The following ATE1 variants were observed in gnomAD, a reference collection of about 807,000 sequenced individuals.
The protein encoded by ATE1 is arginyl-tRNA--protein transferase 1.
In ATE1, 36 loss-of-function variants were observed where a neutral mutation model predicts 70.5. That is an observed-to-expected ratio of 0.51 (90% CI 0.39 to 0.67). The LOEUF is 0.67. Among genes scored for constraint, ATE1 ranks in the 30% least tolerant of loss-of-function variants. The probability of loss-of-function intolerance (pLI) is 0.00; values close to 1 mark genes in which losing one functional copy is unlikely to be tolerated. For missense variants in ATE1, 593 were observed against 629.5 expected (o/e 0.94, Z 0.62); for synonymous variants, 232 against 219.3 (o/e 1.06, Z -0.51).
At chr10:121,805,480 T>G (rs1947058048) in intron 10 of ATE1, among the ~76,000 whole-genome samples, 1 of 152,170 alleles carries the variant, frequency 6.6e-6, no homozygotes, top group Non-Finnish European at 1.5e-5. Context: ...ATCCCTATTT[T>G]ACAGATAAAG....
intron 8 of ATE1, among the ~76,000 whole-genome samples, chr10:121,846,316 G>A (rs1948820475): frequency 6.6e-6 from 1 of 152,092 alleles, no homozygotes; most frequent in Non-Finnish European, 1.5e-5. Context: ...ATATATGATT[G>A]AATAAATTAA....
At chr10:121,899,553 C>T (rs896625816) in intron 7 of ATE1, among the ~76,000 whole-genome samples, 1 of 152,120 alleles carries the variant, frequency 6.6e-6, no homozygotes, top group Admixed American at 6.6e-5. Context: ...ATATAGTTTC[C>T]TGAGTTTTCC....
At chr10:121,928,209 G>A, upstream of ATE1, 17 of 1,332,252 alleles carry the variant, frequency 1.3e-5, no homozygotes, top group Non-Finnish European at 1.6e-5. Flanking sequence ...CGGAGAGACA[G>A]AGCGGGAAGG....
At chr10:121,885,297 C>A (rs1443679419) in intron 7 of ATE1, among the ~76,000 whole-genome samples, 9 of 143,312 alleles carry the variant, frequency 6.3e-5, no homozygotes, top group Admixed American at 2.1e-4. Context: ...AGGCCGGGCG[C>A]GGTGGCTCAC....
At chr10:121,799,277 G>T (rs1318078972) in intron 10 of ATE1, among the ~76,000 whole-genome samples, 1 of 152,144 alleles carries the variant, frequency 6.6e-6, no homozygotes, top group Non-Finnish European at 1.5e-5. Context: ...AGGAGCTGGA[G>T]CAGCCAGCAA....
chr10:121,917,953 C>T (rs926645521), intron 3 of ATE1, among the ~76,000 whole-genome samples: 1 of 152,192 alleles, frequency 6.6e-6, no homozygotes, highest in African/African-American at 2.4e-5. Context: ...CTATAAGCCC[C>T]TTTCCTTTAT....
At chr10:121,919,258 G>A (rs971206851) in intron 3 of ATE1, among the ~76,000 whole-genome samples, 3 of 152,096 alleles carry the variant, frequency 2.0e-5, no homozygotes, top group South Asian at 2.1e-4. Flanking sequence ...CTTCATTCTT[G>A]AAGTGAGCGA....
intron 7 of ATE1, among the ~76,000 whole-genome samples, chr10:121,871,636 A>C (rs967014418): frequency 2.0e-5 from 3 of 152,218 alleles, no homozygotes; most frequent in African/African-American, 7.2e-5. Context: ...TATTCTTAGA[A>C]TATCACTAAC....
Position 121,818,071 on chromosome 10 carries a change from C to G in ATE1, c.1257+18647G>C, listed in dbSNP as rs1183339284. On this transcript the variant is annotated intron_variant, in intron 10 of 11. Coordinates refer to ENST00000224652, the MANE Select transcript of ATE1 (RefSeq NM_001001976.3). Reference sequence around the variant, plus strand: ...CTGAGCTCAGGAATTCAAGACCAGCCTGGGCAACAAAGTGAGACCCCGTCT... The same window carrying G: ...CTGAGCTCAGGAATTCAAGACCAGCGTGGGCAACAAAGTGAGACCCCGTCT... Among the ~76,000 whole-genome samples the G allele has an allele frequency of 2.0e-5, 3 of 151,858 alleles. No individual in the cohort carries two copies. In the South Asian group the frequency reaches 6.2e-4, roughly 32 times the overall value.
At chr10:121,850,527 T>C (rs1949014106) in intron 8 of ATE1, among the ~76,000 whole-genome samples, 1 of 152,230 alleles carries the variant, frequency 6.6e-6, no homozygotes, top group African/African-American at 2.4e-5. Context: ...AAAAAGGTAA[T>C]CATGTCTTGG....
At chr10:121,877,836 T>C (rs1249886180) in intron 7 of ATE1, among the ~76,000 whole-genome samples, 2 of 152,220 alleles carry the variant, frequency 1.3e-5, no homozygotes, top group Non-Finnish European at 2.9e-5. Context: ...CACATTTCTA[T>C]AAATGCTGAA....
intron 10 of ATE1, among the ~76,000 whole-genome samples, chr10:121,790,889 G>C (rs986140750): frequency 6.6e-6 from 1 of 151,502 alleles, no homozygotes. Context: ...ATAATCCACT[G>C]AACTTTCTTC....
chr10:121,854,243 C>T (rs74158459), intron 8 of ATE1, among the ~76,000 whole-genome samples: 168 of 152,256 alleles, frequency 1.1e-3, no homozygotes, highest in African/African-American at 3.9e-3. Context: ...TTGTTTTTAT[C>T]TAATCTAGCA....
intron 10 of ATE1, 41 bp downstream of exon 10, chr10:121,836,677 T>C (rs1305094349): frequency 7.7e-7 from 1 of 1,304,066 alleles, no homozygotes; most frequent in African/African-American, 1.5e-5. Flanking sequence ...GAGATTCATT[T>C]TTCTATAATA....
At chr10:121,928,311 G>A (rs1319103307), upstream of ATE1, 3 of 1,509,574 alleles carry the variant, frequency 2.0e-6, 1 homozygote, top group Admixed American at 6.5e-5. Flanking sequence ...TGCGGGGCGC[G>A]GCGGCCGCGC....
intron 8 of ATE1, among the ~76,000 whole-genome samples, chr10:121,850,253 A>G (rs1949002795): frequency 6.6e-6 from 1 of 152,184 alleles, no homozygotes. Flanking sequence ...TGTTTTTTAA[A>G]AAGAATCAAC....
Position 121,922,374 on chromosome 10 carries a change from T to C in ATE1, c.208A>G (p.Thr70Ala). The C allele has an allele frequency of 6.3e-7, 1 of 1,599,666 alleles. No homozygotes were observed. The highest frequency in any genetic ancestry group is 8.6e-7 in the Non-Finnish European group (1 of 1,168,476). The change falls in exon 3 of 12, where the codon ACA becomes GCA. Residue 70 changes from threonine (T) to alanine (A), a missense_variant. Thr to Ala is a moderately conservative substitution (Grantham distance 58). This residue lies in a region of ATE1 where 467 missense variants were observed against 469.6 expected (regional missense o/e 0.99). Coordinates refer to ENST00000224652, the MANE Select transcript of ATE1 (RefSeq NM_001001976.3). ...KYVYKPVMNQ[T>A]CCPQYTIRCR... ...CTTATTGTGTACTGAGGACAACATG[T>C]TTGATTCATGACAGGTTTGTACACA...
chr10:121,928,225 A>C (rs909660970), upstream of ATE1: 15 of 1,334,290 alleles, frequency 1.1e-5, no homozygotes, highest in Middle Eastern at 8.4e-4. Context: ...GAAGGGAAAC[A>C]GGATGGGGAG....
intron 3 of ATE1, among the ~76,000 whole-genome samples, chr10:121,921,679 T>G (rs919495372): frequency 1.3e-5 from 2 of 152,046 alleles, no homozygotes; most frequent in Non-Finnish European, 2.9e-5. Flanking sequence ...ATAACGGACA[T>G]CTGGGTTGCT....
Sources: gnomAD v4.1 joint callset for allele counts (sites outside exome capture counted in the v4.1 genomes callset) on GRCh38, gnomAD v4.1.1 for gene constraint, gnomAD v4.1.1 regional missense constraint, MANE v1.5 for transcripts, NCBI Gene and HGNC (gene_info 2026-07-23, HGNC 2026-07-21) for gene names.